MEGF9: variants seen among roughly 807,000 people sequenced by gnomAD.
MEGF9 encodes multiple EGF like domains 9.
A neutral mutation model predicts 46.8 loss-of-function variants in MEGF9; 6 were observed. That is an observed-to-expected ratio of 0.13 (90% CI 0.07 to 0.25). MEGF9 has a LOEUF of 0.25. MEGF9 is among the 10% of genes least tolerant of loss of function. The pLI is 1.00. For missense variants in MEGF9, 683 were observed against 792.4 expected (o/e 0.86, Z 1.66); for synonymous variants, 302 against 330.7 (o/e 0.91, Z 0.94).
chr9:120,692,065 G>A (rs984105409), intron 1 of MEGF9, among the ~76,000 whole-genome samples: 5 of 152,178 alleles, frequency 3.3e-5, no homozygotes, highest in Non-Finnish European at 7.4e-5. Context: ...GACTGAAAGT[G>A]AAAATGTACA....
At chr9:120,653,942 T>C (rs192103974) in intron 2 of MEGF9, among the ~76,000 whole-genome samples, 7 of 152,138 alleles carry the variant, frequency 4.6e-5, no homozygotes, top group African/African-American at 1.7e-4. Flanking sequence ...GAGCCAAGTG[T>C]AAGAAATAAA....
chr9:120,656,703 C>T (rs1439813656), intron 2 of MEGF9, among the ~76,000 whole-genome samples: 1 of 152,068 alleles, frequency 6.6e-6, no homozygotes, highest in East Asian at 1.9e-4. Context: ...ATGCATTATC[C>T]TGCTTCTTAA....
chr9:120,633,404 T>A (rs1294720128), intron 2 of MEGF9, among the ~76,000 whole-genome samples: 1 of 152,222 alleles, frequency 6.6e-6, no homozygotes, highest in African/African-American at 2.4e-5. Flanking sequence ...TAATAGCCTC[T>A]AATGATCCTT....
intron 3 of MEGF9, among the ~76,000 whole-genome samples, chr9:120,621,188 T>C (rs2043497923): frequency 6.6e-6 from 1 of 152,248 alleles, no homozygotes; most frequent in Non-Finnish European, 1.5e-5. Context: ...TGCTGAACTT[T>C]CTGAATCTGT....
chr9:120,621,039 A>G (rs1011472218), intron 3 of MEGF9, among the ~76,000 whole-genome samples: 3 of 151,892 alleles, frequency 2.0e-5, no homozygotes, highest in African/African-American at 4.8e-5. Flanking sequence ...TTTGTTTGGG[A>G]AAAAAAATGT....
chr9:120,697,582 T>C (rs1424266823), intron 1 of MEGF9, among the ~76,000 whole-genome samples: 3 of 152,188 alleles, frequency 2.0e-5, no homozygotes, highest in African/African-American at 7.2e-5. Context: ...CATGACATTG[T>C]CTCTTGTTAG....
intron 2 of MEGF9, among the ~76,000 whole-genome samples, chr9:120,625,787 T>C (rs547581042): frequency 7.3e-6 from 1 of 136,550 alleles, no homozygotes; most frequent in African/African-American, 2.8e-5. Flanking sequence ...TGAGCCAAGA[T>C]TGCGCCACTG....
At chr9:120,702,725 G>A (rs1301078500) in intron 1 of MEGF9, among the ~76,000 whole-genome samples, 1 of 152,172 alleles carries the variant, frequency 6.6e-6, no homozygotes, top group Admixed American at 6.5e-5. Flanking sequence ...TGATGTAAGT[G>A]GGGGTGGTGA....
intron 1 of MEGF9, among the ~76,000 whole-genome samples, chr9:120,670,412 T>C (rs1486472327): frequency 6.6e-6 from 1 of 152,220 alleles, no homozygotes; most frequent in East Asian, 1.9e-4. Context: ...AAGTTCTTTG[T>C]ACCTTCCACT....
intron 2 of MEGF9, among the ~76,000 whole-genome samples, chr9:120,650,773 G>C (rs2043646003): frequency 6.6e-6 from 1 of 151,864 alleles, no homozygotes; most frequent in Admixed American, 6.6e-5. Flanking sequence ...TAGGATATCA[G>C]ATTTCTTATG....
At chr9:120,647,519 C>G (rs1056353166) in intron 2 of MEGF9, among the ~76,000 whole-genome samples, 7 of 152,062 alleles carry the variant, frequency 4.6e-5, no homozygotes, top group Non-Finnish European at 4.4e-5. Context: ...AGATGGCTAC[C>G]TTTAAAAAGT....
At chr9:120,628,152 G>A (rs1035094781) in intron 2 of MEGF9, among the ~76,000 whole-genome samples, 8 of 152,060 alleles carry the variant, frequency 5.3e-5, no homozygotes, top group South Asian at 2.1e-4. Context: ...AAAATAAAAC[G>A]TTATTAAAAA....
chr9:120,638,202 C>G (rs2043587424), intron 2 of MEGF9, among the ~76,000 whole-genome samples: 1 of 152,164 alleles, frequency 6.6e-6, no homozygotes, highest in Non-Finnish European at 1.5e-5. Context: ...ATGTTACCCA[C>G]GTTGGTCTTT....
chr9:120,627,550 C>A (rs1252174125), intron 2 of MEGF9, among the ~76,000 whole-genome samples: 1 of 152,144 alleles, frequency 6.6e-6, no homozygotes, highest in Non-Finnish European at 1.5e-5. Context: ...GCAACCTCCG[C>A]CTCCTGGGTT....
At chr9:120,682,088 A>C (rs748833616) in intron 1 of MEGF9, among the ~76,000 whole-genome samples, 12 of 152,322 alleles carry the variant, frequency 7.9e-5, no homozygotes, top group Non-Finnish European at 1.6e-4. Flanking sequence ...TCTCTACCCT[A>C]CATTTTTATT....
intron 1 of MEGF9, chr9:120,691,403 T>A (rs368563071): frequency 8.4e-6 from 4 of 478,018 alleles, no homozygotes; most frequent in Non-Finnish European, 1.7e-5. Context: ...TTTTTAAGTA[T>A]CTTTACGTTA....
intron 3 of MEGF9, among the ~76,000 whole-genome samples, chr9:120,615,881 G>A (rs747963147): frequency 1.3e-4 from 20 of 152,048 alleles, no homozygotes; most frequent in East Asian, 1.9e-4. Context: ...GAAATAGAGC[G>A]AGACCCTGTC....
At chr9:120,609,246 T>A (rs1369444613) in intron 4 of MEGF9, among the ~76,000 whole-genome samples, 1 of 152,206 alleles carries the variant, frequency 6.6e-6, no homozygotes, top group East Asian at 1.9e-4. Context: ...TACTGCCTGC[T>A]TTCTTCTGTC....
chr9:120,662,004 A>T (rs957436977), intron 1 of MEGF9, among the ~76,000 whole-genome samples: 1 of 152,208 alleles, frequency 6.6e-6, no homozygotes, highest in African/African-American at 2.4e-5. Flanking sequence ...GAAAATACTA[A>T]AAAAAATTTT....
Sources: gnomAD v4.1 joint callset for allele counts (sites outside exome capture counted in the v4.1 genomes callset) on GRCh38, gnomAD v4.1.1 for gene constraint, MANE v1.5 for transcripts, NCBI Gene and HGNC (gene_info 2026-07-23, HGNC 2026-07-21) for gene names.